The following ATP8A2 variants were observed in gnomAD, a reference collection of about 807,000 sequenced individuals.
ATP8A2 encodes ATPase phospholipid transporting 8A2.
Under a neutral mutation model 165.6 loss-of-function variants are expected in ATP8A2, and 100 were observed. The observed-to-expected ratio is 0.60, with a 90% CI of 0.51 to 0.71. The LOEUF (loss-of-function observed/expected upper bound fraction) is 0.71. Ranked by LOEUF, ATP8A2 falls within the 30% of genes least tolerant of loss-of-function variation. The pLI, the probability that ATP8A2 is intolerant of heterozygous loss-of-function variation, is 0.00. For synonymous variants in ATP8A2, 543 were observed against 548.8 expected, an observed-to-expected ratio of 0.99 and a Z score of 0.15; for missense variants, 1,227 against 1,479.5, an observed-to-expected ratio of 0.83 and a Z score of 2.80.
chr13:25,858,944 C>T (rs1952251747), intron 30 of ATP8A2, among the ~76,000 whole-genome samples: 1 of 152,096 alleles, frequency 6.6e-6, no homozygotes, highest in African/African-American at 2.4e-5. Flanking sequence ...GTGGCTCACG[C>T]CTGTAATCCC....
At chr13:25,958,163 A>G (rs1290738279) in intron 33 of ATP8A2, among the ~76,000 whole-genome samples, 1 of 152,040 alleles carries the variant, frequency 6.6e-6, no homozygotes, top group Non-Finnish European at 1.5e-5. Context: ...GGATAGCATT[A>G]GGAGAAATAC....
chr13:25,957,496 C>G (rs962103506), intron 33 of ATP8A2, among the ~76,000 whole-genome samples: 1 of 152,176 alleles, frequency 6.6e-6, no homozygotes, highest in African/African-American at 2.4e-5. Flanking sequence ...ATGCGGCCAA[C>G]AAACGTATGA....
At chr13:25,975,835 C>T (rs2139234513) in intron 35 of ATP8A2, among the ~76,000 whole-genome samples, 1 of 152,276 alleles carries the variant, frequency 6.6e-6, no homozygotes, top group South Asian at 2.1e-4. Flanking sequence ...GACTTTATAA[C>T]ATCTGTGATA....
At chr13:25,522,761 A>G (rs1336017960) in intron 2 of ATP8A2, among the ~76,000 whole-genome samples, 1 of 152,164 alleles carries the variant, frequency 6.6e-6, no homozygotes, top group African/African-American at 2.4e-5. Flanking sequence ...GAAGAATTCC[A>G]CTTGATCATG....
rs1183745036 is a variant in ATP8A2, at chr13:25,468,748, G to A, written c.77-229G>A. 3.2e-5 allele frequency: 26 copies of A among 812,328 alleles called. No individual in the cohort carries two copies. The South Asian group carries it at 6.7e-4, about 21-fold the overall frequency. 50.3% of individuals were successfully genotyped at this position (812,328 alleles called of 1,614,324 possible). A position where few individuals can be genotyped will look rare whatever the true frequency, so the allele number is the denominator to read the frequency against. On this transcript the variant is annotated intron_variant, in intron 1 of 36. Transcript: ENST00000381655. ...GCGGGGCTCGCTCCACAAGCGCCAGGGGCCGCGCGGGGCGTGGGCGTGGGC... is the reference window on the plus strand; with the variant it reads ...GCGGGGCTCGCTCCACAAGCGCCAGAGGCCGCGCGGGGCGTGGGCGTGGGC...
At chr13:25,818,538 G>A (rs1566170299) in intron 27 of ATP8A2, among the ~76,000 whole-genome samples, 1 of 152,080 alleles carries the variant, frequency 6.6e-6, no homozygotes, top group Non-Finnish European at 1.5e-5. Context: ...TTCCTCATTT[G>A]TGAAATGGAA....
intron 34 of ATP8A2, among the ~76,000 whole-genome samples, chr13:25,966,029 G>GGAA (rs377685037): frequency 2.2e-5 from 3 of 133,556 alleles, no homozygotes; most frequent in Non-Finnish European, 4.7e-5. Context: ...AAGAGTTTCA[G>GGAA]AAAAAAAAAA....
At chr13:25,450,000 C>T (rs2035169030) in intron 1 of ATP8A2, among the ~76,000 whole-genome samples, 2 of 152,058 alleles carry the variant, frequency 1.3e-5, no homozygotes, top group Non-Finnish European at 1.5e-5. Context: ...CTCCTAAAGT[C>T]CCCAGTGTGT....
chr13:25,828,568 A>G (rs1018030226), intron 28 of ATP8A2, among the ~76,000 whole-genome samples: 4 of 152,234 alleles, frequency 2.6e-5, no homozygotes, highest in Admixed American at 2.6e-4. Context: ...ATTCTTAAAC[A>G]TAGATACAAA....
At chr13:25,619,454 A>G (rs1349804766) in intron 24 of ATP8A2, among the ~76,000 whole-genome samples, 3 of 152,226 alleles carry the variant, frequency 2.0e-5, no homozygotes, top group South Asian at 2.1e-4. Flanking sequence ...TAGCACGAAA[A>G]GACACTATAA....
chr13:25,982,014 C>G (rs1344827594), intron 35 of ATP8A2, among the ~76,000 whole-genome samples: 5 of 152,162 alleles, frequency 3.3e-5, no homozygotes, highest in African/African-American at 4.8e-5. Flanking sequence ...TCTCCCATAT[C>G]TATTTTTTTG....
chr13:25,840,242 C>T (rs1951721549), intron 30 of ATP8A2, among the ~76,000 whole-genome samples: 2 of 152,080 alleles, frequency 1.3e-5, no homozygotes, highest in South Asian at 4.2e-4. Flanking sequence ...TATTTTTATT[C>T]TCAGAAAATA....
At chr13:25,431,444 C>T (rs561249536) in intron 1 of ATP8A2, among the ~76,000 whole-genome samples, 2 of 152,250 alleles carry the variant, frequency 1.3e-5, no homozygotes, top group East Asian at 1.9e-4. Flanking sequence ...CCACCACACC[C>T]GGCTTCTCTA....
At chr13:25,609,534 G>GGGATTAAAATATATATATATATATTT (rs2040603796) in intron 24 of ATP8A2, among the ~76,000 whole-genome samples, 12 of 42,268 alleles carry the variant, frequency 2.8e-4, no homozygotes, top group Admixed American at 9.3e-4. Flanking sequence ...ATATATATTT[G>GGGATTAAAATATATATATATATATTT]GGATTCAAAT....
At chr13:25,411,712 C>T (rs577258593) in intron 1 of ATP8A2, among the ~76,000 whole-genome samples, 1 of 152,120 alleles carries the variant, frequency 6.6e-6, no homozygotes, top group African/African-American at 2.4e-5. Flanking sequence ...CATACACATA[C>T]ATATTTATAT....
intron 1 of ATP8A2, among the ~76,000 whole-genome samples, chr13:25,454,117 G>A (rs2035299210): frequency 6.6e-6 from 1 of 152,102 alleles, no homozygotes; most frequent in African/African-American, 2.4e-5. Context: ...ATGGTCTCTT[G>A]GCACTGTGGA....
intron 35 of ATP8A2, among the ~76,000 whole-genome samples, chr13:26,008,988 T>A (rs183835699): frequency 6.6e-6 from 1 of 152,352 alleles, no homozygotes; most frequent in East Asian, 1.9e-4. Flanking sequence ...CATTTATGCG[T>A]ATTTTTAAAT....
intron 35 of ATP8A2, among the ~76,000 whole-genome samples, chr13:25,969,794 A>G (rs768132899): frequency 2.0e-5 from 3 of 152,354 alleles, no homozygotes; most frequent in Non-Finnish European, 4.4e-5. Flanking sequence ...ATCATCAGTC[A>G]ACAAGACAAA....
At chr13:25,979,476 C>T (rs1472132277) in intron 35 of ATP8A2, among the ~76,000 whole-genome samples, 1 of 152,162 alleles carries the variant, frequency 6.6e-6, no homozygotes, top group East Asian at 1.9e-4. Context: ...TCTAATAGGG[C>T]AGTGATAATA....
Sources: allele counts gnomAD v4.1 joint callset (sites outside exome capture counted in the v4.1 genomes callset), GRCh38; gene constraint gnomAD v4.1.1; transcripts MANE v1.5; gene names NCBI Gene and HGNC (gene_info 2026-07-23, HGNC 2026-07-21).